The following ITSN2 variants were observed in gnomAD, a reference collection of about 807,000 sequenced individuals.
ITSN2 encodes intersectin 2.
A neutral mutation model predicts 243.7 loss-of-function variants in ITSN2; 156 were observed. The ratio of observed to expected loss-of-function variants is 0.64; its 90% CI spans 0.56 to 0.73. ITSN2 has a LOEUF of 0.73. Ranked by LOEUF, ITSN2 falls within the 30% of genes least tolerant of loss-of-function variation. ITSN2 has a pLI of 0.00. For missense variants in ITSN2, 1,801 were observed against 1,996.1 expected (o/e 0.90, Z 1.86); for synonymous variants, 703 against 699.9 (o/e 1.00, Z -0.07).
chr2:24,271,761 C>T lies in ITSN2; in HGVS notation c.2257+5G>A, dbSNP rs1677377861. 8.3e-6 allele frequency: 13 copies of T among 1,575,136 alleles called. No individual in the cohort carries two copies. In the East Asian group the frequency reaches 2.9e-4, roughly 35 times the overall value. On this transcript the variant is annotated splice_donor_5th_base_variant and intron_variant, in intron 19 of 39. Transcript: ENST00000355123. ...TCTACTGTCTCAAAGTATCCTTATC[C>T]TTACGTTTTTTCTCCTCAGCTTTCA...
rs1444349518 is a variant in ITSN2 at position 24,239,294 on chromosome 2, T to C, written c.3577+6835A>G. 3 of 152,440 alleles carry C rather than the reference T, an allele frequency of 2.0e-5. No individual in the cohort carries two copies. In the East Asian group the frequency reaches 5.8e-4, roughly 29 times the overall value. 9.4% of individuals were successfully genotyped at this position (152,440 alleles called of 1,614,324 possible). On this transcript the variant is annotated intron_variant, in intron 29 of 39. Coordinates refer to ENST00000355123, the MANE Select transcript of ITSN2 (RefSeq NM_006277.3). ...CTGGAATTGGTATTTCTTTCTCTAC[T>C]TTTCTTTCCCCCAGTTTCTTTCTTT...
chr2:24,271,413 A>G (rs1278828472), intron 19 of ITSN2, among the ~76,000 whole-genome samples: 1 of 152,234 alleles, frequency 6.6e-6, no homozygotes, highest in Admixed American at 6.5e-5. Context: ...AAATGGACTG[A>G]GGTGTATCAA....
At chr2:24,228,471 A>C (rs1671261382) in intron 29 of ITSN2, among the ~76,000 whole-genome samples, 1 of 152,230 alleles carries the variant, frequency 6.6e-6, no homozygotes, top group Non-Finnish European at 1.5e-5. Context: ...AACAACAATA[A>C]TACTAAGTTG....
At chr2:24,319,457 G>A (rs1181440417) in intron 2 of ITSN2, among the ~76,000 whole-genome samples, 1 of 152,148 alleles carries the variant, frequency 6.6e-6, no homozygotes, top group East Asian at 1.9e-4. Flanking sequence ...CCCATCAGGA[G>A]CCTTATCAAG....
intron 15 of ITSN2, among the ~76,000 whole-genome samples, chr2:24,287,891 TG>T (rs1286982632): frequency 3.3e-5 from 5 of 152,160 alleles, no homozygotes; most frequent in Non-Finnish European, 5.9e-5. Flanking sequence ...GAAATTGGGT[TG>T]TTTTTTGGTA....
chr2:24,281,429 T>A (rs1175131099), intron 17 of ITSN2, among the ~76,000 whole-genome samples: 1 of 152,220 alleles, frequency 6.6e-6, no homozygotes, highest in Admixed American at 6.5e-5. Context: ...TCATGTCTAG[T>A]TCATGTTTCA....
At chr2:24,300,536 G>A (rs1028614725) in intron 11 of ITSN2, among the ~76,000 whole-genome samples, 4 of 152,016 alleles carry the variant, frequency 2.6e-5, no homozygotes, top group East Asian at 1.9e-4. Context: ...TGGCCAACAC[G>A]GTGAAACCCC....
rs766979601 is a variant in ITSN2, at chr2:24,312,373, G to A, written c.191C>T (p.Ala64Val). Reference protein sequence around the residue: ...LPAPVLAEIWALSDLNKDGKM... With the variant: ...LPAPVLAEIWVLSDLNKDGKM... ...CCCATCCTTGTTTAGGTCTGATAAA[G>A]CCCTAAAAGGAGCATGAGGTAGGTA... Residue 64 changes from alanine (A) to valine (V), a missense_variant and splice_region_variant, in exon 5 of 40, where the codon GCT (alanine) becomes GTT (valine). Physicochemically the swap from Ala to Val is moderately conservative, Grantham distance 64 (BLOSUM62 0). This residue lies in a region of ITSN2 where 77 missense variants were observed against 90.1 expected (regional missense o/e 0.85). Transcript: ENST00000355123. 2.8e-5 allele frequency: 45 copies of A among 1,602,730 alleles called. No homozygotes were observed. The highest frequency in any genetic ancestry group is 3.7e-5 in the Non-Finnish European group (43 of 1,173,942).
intron 37 of ITSN2, among the ~76,000 whole-genome samples, chr2:24,207,533 C>T (rs1039062743): frequency 4.6e-5 from 7 of 151,866 alleles, no homozygotes; most frequent in African/African-American, 1.4e-4. Context: ...AGCTGGGGGT[C>T]GGTGGGGTCC....
chr2:24,319,293 G>A (rs1684279260), intron 2 of ITSN2, among the ~76,000 whole-genome samples: 1 of 152,166 alleles, frequency 6.6e-6, no homozygotes, highest in Non-Finnish European at 1.5e-5. Context: ...GGCACCTGAG[G>A]AAGAAACGCC....
Position 24,289,293 on chromosome 2 carries a change from T to C in ITSN2, c.1724-2942A>G, listed in dbSNP as rs1032250877. Among the ~76,000 whole-genome samples the C allele has an allele frequency of 4.4e-4, 67 of 152,210 alleles. 1 individual carries two copies. Among genetic ancestry groups the C allele is most frequent in the African/African-American group, 1.3e-3 (53 of 41,448 alleles). On this transcript the variant is annotated intron_variant, in intron 15 of 39. Coordinates refer to ENST00000355123, the MANE Select transcript of ITSN2 (RefSeq NM_006277.3). ...TTTATGTCTTTTTCAATTTCTCCCA[T>C]CAATTAGTTTTCAGTTACAGATCTT...
intron 24 of ITSN2, among the ~76,000 whole-genome samples, chr2:24,252,903 C>T (rs967598471): frequency 2.6e-5 from 4 of 152,002 alleles, no homozygotes; most frequent in Non-Finnish European, 5.9e-5. Context: ...CTTTTTTATA[C>T]CAGAAATAGT....
chr2:24,294,423 T>C (rs1024449013), intron 14 of ITSN2, among the ~76,000 whole-genome samples: 2 of 151,604 alleles, frequency 1.3e-5, no homozygotes, highest in Non-Finnish European at 3.0e-5. Flanking sequence ...GAGGAAAAAA[T>C]AAAAAGGACT....
chr2:24,220,774 C>G, intron 30 of ITSN2, 171 bp downstream of exon 30: 2 of 1,414,330 alleles, frequency 1.4e-6, no homozygotes, highest in Non-Finnish European at 1.8e-6. Context: ...ATCCGGCAGG[C>G]AGAGACAGCA....
At chr2:24,208,951 T>G in intron 36 of ITSN2, 149 bp downstream of exon 36, 1 of 795,862 alleles carries the variant, frequency 1.3e-6, no homozygotes, top group Non-Finnish European at 2.0e-6. Context: ...AGGCCTACCA[T>G]GGGACTGGAG....
At chr2:24,203,875 C>T in intron 39 of ITSN2, 92 bp from the exon 40 acceptor site, 1 of 1,359,546 alleles carries the variant, frequency 7.4e-7, no homozygotes, top group East Asian at 2.3e-5. Context: ...ATAAAACCTT[C>T]AAATCTGAAA....
chr2:24,289,365 T>C (rs1415252658), intron 15 of ITSN2, among the ~76,000 whole-genome samples: 1 of 152,232 alleles, frequency 6.6e-6, no homozygotes, highest in Non-Finnish European at 1.5e-5. Flanking sequence ...TTATTTTTGA[T>C]GCTGTCATGA....
In ITSN2 at chr2:24,246,189, T is replaced by C. The variant is rs1673341884; in HGVS notation, c.3517A>G (p.Thr1173Ala). 6.2e-7 allele frequency: 1 copy of C among 1,613,496 alleles called. No homozygotes were observed. Among genetic ancestry groups the C allele is most frequent in the Middle Eastern group, 1.7e-4 (1 of 6,058 alleles). Residue 1173 changes from threonine to alanine, a missense_variant, in exon 29 of 40, where the codon ACT (threonine) becomes GCT (alanine). Physicochemically the swap from Thr to Ala is moderately conservative, Grantham distance 58 (BLOSUM62 0). Around this residue, in one of 5 missense-constraint regions of ITSN2, gnomAD observed 928 missense variants for 1,065.4 expected, o/e 0.87. Coordinates refer to ENST00000355123, the MANE Select transcript of ITSN2 (RefSeq NM_006277.3). The part of the protein sequence containing the change: ...DWWQGEINGV[T>A]GLFPSNYVKM... ...ACGTAGTTTGAAGGAAAGAGACCAG[T>C]CACCCCGTTGATCTCTCCTTGCCAC... is the stretch of plus-strand genomic sequence containing the variant.
chr2:24,272,610 C>CTT (rs925724234), intron 18 of ITSN2, among the ~76,000 whole-genome samples: 1 of 151,802 alleles, frequency 6.6e-6, no homozygotes, highest in Non-Finnish European at 1.5e-5. Context: ...TTTTTAATTT[C>CTT]TTTTTTATAA....
Sources: allele counts gnomAD v4.1 joint callset (sites outside exome capture counted in the v4.1 genomes callset), GRCh38; gene constraint gnomAD v4.1.1; regional missense constraint gnomAD v4.1.1; transcripts MANE v1.5; gene names NCBI Gene and HGNC (gene_info 2026-07-23, HGNC 2026-07-21).